Variants in GNPTG observed in about 807,000 individuals in gnomAD.
The protein encoded by GNPTG is N-acetylglucosamine-1-phosphotransferase subunit gamma.
A neutral mutation model predicts 43.8 loss-of-function variants in GNPTG; 46 were observed. The observed-to-expected ratio is 1.05, with a 90% CI of 0.83 to 1.34. The LOEUF is 1.34. GNPTG is among the 40% of genes most tolerant of loss of function. The pLI, the probability that GNPTG is intolerant of heterozygous loss-of-function variation, is 0.00. For synonymous variants in GNPTG, 250 were observed against 172.8 expected, an observed-to-expected ratio of 1.45 and a Z score of -3.50; for missense variants, 549 against 411.3, an observed-to-expected ratio of 1.33 and a Z score of -2.90.
intron 3 of GNPTG, 118 bp downstream of exon 3, chr16:1,352,424 C>A: frequency 9.8e-7 from 1 of 1,024,742 alleles, no homozygotes; most frequent in Non-Finnish European, 1.5e-6. Context: ...GTTTGTCAGC[C>A]TTCTAAAATT....
At chr16:1,354,917 G>A (rs1050008298) in intron 3 of GNPTG, among the ~76,000 whole-genome samples, 1 of 152,144 alleles carries the variant, frequency 6.6e-6, no homozygotes, top group African/African-American at 2.4e-5. Context: ...GCCGGGCGTG[G>A]ATTGTCTCCC....
At chr16:1,358,608 A>G (rs1284061642) in intron 3 of GNPTG, among the ~76,000 whole-genome samples, 2 of 152,030 alleles carry the variant, frequency 1.3e-5, no homozygotes, top group African/African-American at 2.4e-5. Flanking sequence ...CCAATTTCTG[A>G]GAGTAGCTTT....
Position 1,357,381 on chromosome 16 carries a change from G to T in GNPTG, c.179-4362G>T, listed in dbSNP as rs554709572. On this transcript the variant is annotated intron_variant, in intron 3 of 10. Transcript: ENST00000204679. The stretch of plus-strand genomic sequence containing the variant: ...CAGTGGCATTAGCCTCTGCCCTCCG[G>T]GGGCGGGGGCCAGGCTGAGGGTGGC... Among the ~76,000 whole-genome samples, 3 of 152,294 alleles carry T rather than the reference G, an allele frequency of 2.0e-5. No homozygotes were observed. The East Asian group carries it at 5.8e-4, about 29-fold the overall frequency.
intron 3 of GNPTG, among the ~76,000 whole-genome samples, chr16:1,359,136 T>C (rs1479958961): frequency 6.6e-6 from 1 of 151,556 alleles, no homozygotes; most frequent in African/African-American, 2.4e-5. Context: ...GATTCCCGGC[T>C]TCTCTGCCCA....
intron 3 of GNPTG, among the ~76,000 whole-genome samples, chr16:1,354,866 G>C (rs1267537831): frequency 6.6e-6 from 1 of 151,956 alleles, no homozygotes; most frequent in Non-Finnish European, 1.5e-5. Context: ...AGTCCCCCGC[G>C]TCTGTAGGGC....
At chr16:1,356,695 C>T (rs927219560) in intron 3 of GNPTG, among the ~76,000 whole-genome samples, 2 of 152,196 alleles carry the variant, frequency 1.3e-5, no homozygotes, top group African/African-American at 4.8e-5. Flanking sequence ...GGCCCCGCTG[C>T]CCTCACACAG....
rs960068020 is a variant in GNPTG at position 1,363,768 on chromosome 16, C to G, written c.*677C>G. On this transcript the variant is annotated 3_prime_UTR_variant, in exon 11 of 11. Coordinates refer to ENST00000204679, the MANE Select transcript of GNPTG (RefSeq NM_032520.5). ...CAGGATCTTGCCCCCATTTCCAACC[C>G]TGGCAGCGCTGCCAGCCATTCTTTG... The G allele has an allele frequency of 6.3e-6, 1 of 159,250 alleles. No individual in the cohort carries two copies. Among genetic ancestry groups the G allele is most frequent in the Admixed American group, 5.9e-5 (1 of 16,840 alleles). The allele number at this position is 159,250 out of a possible 1,614,324, so 9.9% of individuals were successfully genotyped here.
rs756294894 is a variant in GNPTG at position 1,352,213 on chromosome 16, C to T, written c.111-26C>T. The T allele has an allele frequency of 7.1e-6, 11 of 1,551,144 alleles. No individual in the cohort carries two copies. In the South Asian group the frequency reaches 1.3e-4, roughly 18 times the overall value. On this transcript the variant is annotated intron_variant, in intron 2 of 10. Transcript: ENST00000204679. ...AGCGGGGGACGGCCCGGGCCCGTTC[C>T]CCGCTGACCTTGCCGCTTCCCGTAG...
chr16:1,362,964 C>G (rs73487807), intron 10 of GNPTG, 33 bp from the exon 11 acceptor site: 3 of 1,613,738 alleles, frequency 1.9e-6, no homozygotes, highest in Non-Finnish European at 1.7e-6. Flanking sequence ...CCTGTGGGTC[C>G]AGGTGAGGAC....
intron 3 of GNPTG, among the ~76,000 whole-genome samples, chr16:1,354,599 A>AAAAAAAAAAAAC (rs2034741147): frequency 6.6e-6 from 1 of 150,392 alleles, no homozygotes; most frequent in Non-Finnish European, 1.5e-5. Flanking sequence ...AAAAAAAAAA[A>AAAAAAAAAAAAC]AAAAAAAAAA....
chr16:1,358,018 C>T (rs987965782), intron 3 of GNPTG, among the ~76,000 whole-genome samples: 3 of 151,868 alleles, frequency 2.0e-5, no homozygotes, highest in East Asian at 1.9e-4. Context: ...TCTCGGTGGG[C>T]GCTGTGTTAA....
rs1435041756 is a variant in GNPTG, at chr16:1,352,299, C to T, written c.171C>T (p.Pro57=). 3 of 1,548,272 alleles carry T rather than the reference C, an allele frequency of 1.9e-6. No individual in the cohort carries two copies. Among genetic ancestry groups the T allele is most frequent in the African/African-American group, 2.7e-5 (2 of 73,096 alleles). Residue 57 remains proline, a synonymous_variant, in exon 3 of 11, where the codon CCC becomes CCT. Transcript: ENST00000204679. ...TCCAGGCCAAGAGGGATCCTTCACC[C>T]GTGTCTGGTGAGTGAGGAGCGCTGT... ...SRLQAKRDPS[P]VSGPVHLFRL... is the part of the protein sequence containing the mutation.
At chr16:1,355,107 G>A (rs1414865905) in intron 3 of GNPTG, among the ~76,000 whole-genome samples, 3 of 151,066 alleles carry the variant, frequency 2.0e-5, no homozygotes, top group African/African-American at 4.9e-5. Flanking sequence ...CTGCGGGGTC[G>A]GGTGTGGATG....
chr16:1,358,165 G>A (rs1261188335), intron 3 of GNPTG: 1 of 152,204 alleles, frequency 6.6e-6, no homozygotes, highest in African/African-American at 2.4e-5. Context: ...CCTGGCTGGA[G>A]GGTAGGGACG....
chr16:1,359,661 GTCTT>G (rs2034836748), intron 3 of GNPTG, among the ~76,000 whole-genome samples: 1 of 152,172 alleles, frequency 6.6e-6, no homozygotes. Context: ...TCTCAACTCT[GTCTT>G]TAAGATTTGT....
At chr16:1,355,416 C>G (rs1010636856) in intron 3 of GNPTG, among the ~76,000 whole-genome samples, 1 of 152,104 alleles carries the variant, frequency 6.6e-6, no homozygotes, top group Non-Finnish European at 1.5e-5. Flanking sequence ...CAGAAGGTCC[C>G]CGCAGAAGAG....
chr16:1,361,691 G>GCAGA (rs1463878822), intron 3 of GNPTG, 52 bp from the exon 4 acceptor site: 1 of 1,589,448 alleles, frequency 6.3e-7, no homozygotes, highest in East Asian at 2.2e-5. Context: ...GCCAGTCTTT[G>GCAGA]CAGACAGGTT....
chr16:1,353,502 G>A (rs2034720641), intron 3 of GNPTG, among the ~76,000 whole-genome samples: 1 of 152,194 alleles, frequency 6.6e-6, no homozygotes, highest in African/African-American at 2.4e-5. Context: ...GTGTATGTGT[G>A]TTAGAGTATT....
At chr16:1,361,435 G>A (rs1291127358) in intron 3 of GNPTG, 8 of 370,642 alleles carry the variant, frequency 2.2e-5, no homozygotes, top group Non-Finnish European at 4.2e-5. Context: ...ACGAGGTCAG[G>A]AGATCGAGAC....
Sources: gnomAD v4.1 joint callset for allele counts (sites outside exome capture counted in the v4.1 genomes callset) on GRCh38, gnomAD v4.1.1 for gene constraint, MANE v1.5 for transcripts, NCBI Gene and HGNC (gene_info 2026-07-23, HGNC 2026-07-21) for gene names.